CPS1: variants seen among roughly 807,000 people sequenced by gnomAD.
CPS1 encodes carbamoyl-phosphate synthase 1, also known as carbamoyl-phosphate synthase [ammonia], mitochondrial.
A neutral mutation model predicts 174.6 loss-of-function variants in CPS1; 109 were observed. The observed-to-expected ratio is 0.62, with a 90% CI of 0.53 to 0.73. The LOEUF is 0.73. Among genes scored for constraint, CPS1 ranks in the 30% least tolerant of loss-of-function variants. CPS1 has a pLI of 0.00. For missense variants in CPS1, 1,689 were observed against 1,821.9 expected (o/e 0.93, Z 1.33); for synonymous variants, 637 against 632.0 (o/e 1.01, Z -0.12).
intron 1 of CPS1, among the ~76,000 whole-genome samples, chr2:210,518,111 T>C (rs1695729390): frequency 1.3e-5 from 2 of 151,976 alleles, no homozygotes; most frequent in African/African-American, 4.8e-5. Flanking sequence ...CATTTTTGTA[T>C]GTTGTGGTCT....
At position 210,675,925 on chromosome 2, in the gene CPS1, T is replaced by C. The variant is rs940256956; in HGVS notation, c.4274+85T>C. 19 of 766,724 alleles carry C rather than the reference T, an allele frequency of 2.5e-5. No homozygotes were observed. The Admixed American group carries it at 3.6e-4, about 15-fold the overall frequency. 47.5% of individuals were successfully genotyped at this position (766,724 alleles called of 1,614,324 possible). On this transcript the variant is annotated intron_variant, in intron 36 of 37. Coordinates refer to ENST00000233072, the MANE Select transcript of CPS1 (RefSeq NM_001875.5). The stretch of plus-strand genomic sequence containing the variant: ...ATATGAATATTTCACCTTACTTGAT[T>C]GCAAGTCTTTTAAAACAAATTTAAA...
chr2:210,602,160 T>C (rs760279476), intron 15 of CPS1, 42 bp from the exon 16 acceptor site: 4 of 1,610,004 alleles, frequency 2.5e-6, no homozygotes, highest in Admixed American at 3.4e-5. Flanking sequence ...TCTGCCAGTG[T>C]GCTCAGCTTT....
At chr2:210,665,656 C>T (rs1435840006) in intron 33 of CPS1, among the ~76,000 whole-genome samples, 2 of 151,732 alleles carry the variant, frequency 1.3e-5, no homozygotes, top group Non-Finnish European at 2.9e-5. Context: ...GACATGAACT[C>T]ATCATTTTTT....
At chr2:210,544,111 G>A (rs1256375366) in intron 1 of CPS1, among the ~76,000 whole-genome samples, 1 of 152,052 alleles carries the variant, frequency 6.6e-6, no homozygotes, top group Non-Finnish European at 1.5e-5. Flanking sequence ...TAATAGACTT[G>A]GCTGAGGATA....
At chr2:210,495,112 T>C (rs74937471) in intron 1 of CPS1, among the ~76,000 whole-genome samples, 8,250 of 152,210 alleles carry the variant, frequency 0.054, 673 homozygotes, top group African/African-American at 0.18. Context: ...AACTCAAATG[T>C]GCAAGAAGCA....
intron 1 of CPS1, among the ~76,000 whole-genome samples, chr2:210,516,153 A>G (rs1695677039): frequency 6.6e-6 from 1 of 151,696 alleles, no homozygotes; most frequent in Non-Finnish European, 1.5e-5. Context: ...CTGTGTGTAG[A>G]TGTGAAAGAT....
chr2:210,659,926 G>A (rs151132298), intron 31 of CPS1, among the ~76,000 whole-genome samples: 2 of 152,240 alleles, frequency 1.3e-5, no homozygotes, highest in East Asian at 1.9e-4. Flanking sequence ...CTCGCAAAAC[G>A]GTTGGAATTT....
chr2:210,578,209 A>G (rs918662332), intron 4 of CPS1, among the ~76,000 whole-genome samples: 1 of 152,004 alleles, frequency 6.6e-6, no homozygotes, highest in Non-Finnish European at 1.5e-5. Context: ...CCAGGGTTCA[A>G]GCTATTCACC....
intron 1 of CPS1, among the ~76,000 whole-genome samples, chr2:210,573,089 G>T (rs142031802): frequency 6.6e-6 from 1 of 151,992 alleles, no homozygotes; most frequent in African/African-American, 2.4e-5. Flanking sequence ...CCTCTTCCAA[G>T]AAAACAAAAC....
upstream of CPS1, chr2:210,555,800 G>A (rs997629801): frequency 2.8e-5 from 10 of 353,130 alleles, no homozygotes; most frequent in Non-Finnish European, 5.7e-5. Context: ...GGTTAAACAT[G>A]GGACTGAAGG....
chr2:210,619,545 G>T (rs538313503), intron 21 of CPS1: 1 of 152,108 alleles, frequency 6.6e-6, no homozygotes, highest in South Asian at 2.1e-4. Context: ...TTCATTTTCA[G>T]ACTCACAATT....
At chr2:210,516,149 G>A (rs1695676913) in intron 1 of CPS1, among the ~76,000 whole-genome samples, 1 of 151,764 alleles carries the variant, frequency 6.6e-6, no homozygotes, top group African/African-American at 2.4e-5. Flanking sequence ...TGTTCTGTGT[G>A]TAGATGTGAA....
chr2:210,508,372 C>T (rs1196821039), intron 1 of CPS1, among the ~76,000 whole-genome samples: 1 of 151,296 alleles, frequency 6.6e-6, no homozygotes, highest in Admixed American at 6.6e-5. Context: ...GGGACACATT[C>T]AAAGCAGTGT....
chr2:210,633,433 G>T (rs559677909), intron 21 of CPS1, among the ~76,000 whole-genome samples: 2 of 152,084 alleles, frequency 1.3e-5, no homozygotes, highest in East Asian at 3.9e-4. Context: ...TTTATTAGTA[G>T]GTAGAGGCAG....
chr2:210,660,377 G>A (rs1022809838), intron 31 of CPS1, 108 bp from the exon 32 acceptor site: 29 of 1,086,448 alleles, frequency 2.7e-5, no homozygotes, highest in Non-Finnish European at 3.8e-5. Flanking sequence ...CAAAACAAGA[G>A]CTGGTCCCCA....
intron 20 of CPS1, among the ~76,000 whole-genome samples, chr2:210,614,095 CTT>C (rs1286722831): frequency 1.3e-5 from 2 of 151,842 alleles, no homozygotes; most frequent in Non-Finnish European, 2.9e-5. Flanking sequence ...ATCATCACCT[CTT>C]TTGATTTGGG....
intron 1 of CPS1, among the ~76,000 whole-genome samples, chr2:210,502,768 AT>A (rs1160323892): frequency 6.6e-6 from 1 of 152,104 alleles, no homozygotes. Flanking sequence ...AGATATCAAA[AT>A]TTGAGTGAGG....
chr2:210,602,118 C>T (rs1698746811), intron 15 of CPS1, 84 bp from the exon 16 acceptor site: 2 of 1,553,346 alleles, frequency 1.3e-6, no homozygotes, highest in South Asian at 1.1e-5. Flanking sequence ...AGTTGGTTTA[C>T]CTGATTGCCA....
Position 210,612,201 on chromosome 2 carries a change from C to T in CPS1, c.2476C>T (p.Arg826Cys), listed in dbSNP as rs757451824. Residue 826 changes from arginine to cysteine, a missense_variant, in exon 20 of 38, where the codon CGT (arginine) becomes TGT (cysteine). Coordinates refer to ENST00000233072, the MANE Select transcript of CPS1 (RefSeq NM_001875.5). ...CHPSIEGFTP[R>C]LPMNKEWPSN... Reference sequence around the variant, plus strand: ...CCCATCTATAGAAGGTTTCACTCCCCGTCTCCCAATGAACAAAGAATGGCC... The same window carrying T: ...CCCATCTATAGAAGGTTTCACTCCCTGTCTCCCAATGAACAAAGAATGGCC... 61 of 1,612,104 alleles carry T rather than the reference C, an allele frequency of 3.8e-5. No homozygotes were observed. The highest frequency in any genetic ancestry group is 3.2e-4 in the South Asian group (29 of 91,058).
Sources: allele counts gnomAD v4.1 joint callset (sites outside exome capture counted in the v4.1 genomes callset), GRCh38; gene constraint gnomAD v4.1.1; transcripts MANE v1.5; gene names NCBI Gene and HGNC (gene_info 2026-07-23, HGNC 2026-07-21).